The following DLG5 variants were observed in gnomAD, a reference collection of about 807,000 sequenced individuals.
The protein encoded by DLG5 is discs large MAGUK scaffold protein 5.
Under a neutral mutation model 189.8 loss-of-function variants are expected in DLG5, and 48 were observed. The observed-to-expected ratio is 0.25, with a 90% confidence interval of 0.20 to 0.32. The LOEUF (loss-of-function observed/expected upper bound fraction) is 0.32. Among genes scored for constraint, DLG5 ranks in the 10% least tolerant of loss-of-function variants. The probability of loss-of-function intolerance (pLI) is 1.00; values close to 1 mark genes in which losing one functional copy is unlikely to be tolerated. For missense variants in DLG5, 2,160 were observed against 2,544.7 expected (o/e 0.85, Z 3.25); for synonymous variants, 1,016 against 1,054.1 (o/e 0.96, Z 0.70).
intron 1 of DLG5, among the ~76,000 whole-genome samples, chr10:77,882,285 A>G (rs1432664608): frequency 1.2e-4 from 18 of 152,202 alleles, no homozygotes; most frequent in Admixed American, 1.2e-3. Context: ...CCAGGAGCAA[A>G]TACTTTTTCT....
intron 1 of DLG5, among the ~76,000 whole-genome samples, chr10:77,887,212 A>G (rs1043989444): frequency 2.6e-5 from 4 of 152,146 alleles, no homozygotes; most frequent in Non-Finnish European, 5.9e-5. Flanking sequence ...AAGATCAAGG[A>G]ACTAACCCAA....
rs1280416044 is a variant in DLG5 at position 77,926,199 on chromosome 10, C to T, written c.304+18G>A. On this transcript the variant is annotated intron_variant, in intron 1 of 31. Transcript: ENST00000372391. This position sits in a 1 kb window ranked among gnomAD's most constrained non-coding sequence, Gnocchi z 5.2. ...GAGGGCGCGTCCCAGAGGCGGGGGC[C>T]AAGGGTCTGCCACTCACCCGCGCCT... The T allele has an allele frequency of 7.0e-7, 1 of 1,437,946 alleles. No homozygotes were observed. The highest frequency in any genetic ancestry group is 9.2e-7 in the Non-Finnish European group (1 of 1,085,246). The allele number at this position is 1,437,946 out of a possible 1,614,324, so 89.1% of individuals were successfully genotyped here.
Position 77,843,547 on chromosome 10 carries a change from C to G in DLG5, c.1024G>C (p.Gly342Arg). The G allele has an allele frequency of 6.2e-7, 1 of 1,614,214 alleles. No individual in the cohort carries two copies. Among genetic ancestry groups the G allele is most frequent in the Non-Finnish European group, 8.5e-7 (1 of 1,180,046 alleles). ...NADLSRLEQL[G>R]EENQRLLKQT... is the part of the protein sequence containing the mutation. ...TTCAGCAACCGCTGGTTCTCCTCCC[C>G]CAGCTGCTCCAGGCGGCTCAGGTCT... Residue 342 changes from glycine to arginine, a missense_variant, in exon 6 of 32, where the codon GGG becomes CGG. Gly to Arg is a moderately radical substitution (Grantham distance 125). Transcript: ENST00000372391.
intron 1 of DLG5, among the ~76,000 whole-genome samples, chr10:77,877,267 G>A (rs753806167): frequency 2.0e-5 from 3 of 150,666 alleles, no homozygotes; most frequent in East Asian, 3.9e-4. Flanking sequence ...CCCTTCACTC[G>A]CTAACTACAG....
At chr10:77,938,518 A>G in the DLG5 span, among the ~76,000 whole-genome samples, 5 of 152,196 alleles carry the variant, frequency 3.3e-5, no homozygotes, top group African/African-American at 1.2e-4. Context: ...GGGTATTTGT[A>G]ATTGTCCTCA....
At chr10:77,899,007 G>A (rs991677768) in intron 1 of DLG5, among the ~76,000 whole-genome samples, 7 of 152,168 alleles carry the variant, frequency 4.6e-5, no homozygotes, top group African/African-American at 1.4e-4. Flanking sequence ...CACTCTCCAC[G>A]TACTCAGACA....
Position 77,792,278 on chromosome 10 carries a change from G to A in DLG5, c.*162C>T, listed in dbSNP as rs942870934. ...GCCTGGGCCTGGATCGCACGCAGCC[G>A]TGGCCCTCTGTCTACAAAGGAGGTG... On this transcript the variant is annotated 3_prime_UTR_variant, in exon 32 of 32. Coordinates refer to ENST00000372391, the MANE Select transcript of DLG5 (RefSeq NM_004747.4). The A allele has an allele frequency of 2.2e-5, 15 of 689,090 alleles. No homozygotes were observed. The Admixed American group carries it at 2.4e-4, about 11-fold the overall frequency. 42.7% of individuals were successfully genotyped at this position (689,090 alleles called of 1,614,324 possible).
chr10:77,910,987 GAAAAAA>G (rs55832630), intron 1 of DLG5, among the ~76,000 whole-genome samples: 10 of 84,262 alleles, frequency 1.2e-4, no homozygotes, highest in African/African-American at 4.2e-4. Context: ...CTGTCTGAAG[GAAAAAA>G]AAAAAAAAAA....
In DLG5 at chr10:77,821,316, G is replaced by T; in HGVS notation, c.3168C>A (p.Asp1056Glu). The T allele has an allele frequency of 6.2e-7, 1 of 1,613,392 alleles. No homozygotes were observed. Among genetic ancestry groups the T allele is most frequent in the Non-Finnish European group, 8.5e-7 (1 of 1,180,034 alleles). The change falls in exon 15 of 32, where the codon GAC becomes GAA. Residue 1056 changes from aspartate (D) to glutamate (E), a missense_variant. Asp to Glu is a conservative substitution (Grantham distance 45). Coordinates refer to ENST00000372391, the MANE Select transcript of DLG5 (RefSeq NM_004747.4). ...GTGATGCGTGCATGGGCTCCCCGGG[G>T]TCCACGTCAGGGGGCAGGGCGCTCG... The part of the protein sequence containing the change: ...SPPSALPPDV[D>E]PGEPMHASPP...
At chr10:77,793,748 C>T (rs573224884) in intron 31 of DLG5, 1 of 521,292 alleles carries the variant, frequency 1.9e-6, no homozygotes, top group African/African-American at 1.9e-5. Flanking sequence ...GACAGACCCA[C>T]CACTGCACGT....
Position 77,853,554 on chromosome 10 carries a change from A to G in DLG5, c.681-17T>C, listed in dbSNP as rs1356713086. 1.9e-6 allele frequency: 3 copies of G among 1,557,396 alleles called. No homozygotes were observed. The highest frequency in any genetic ancestry group is 1.3e-5 in the African/African-American group (1 of 74,328). ...TGGAGTGTGCTGAAACACCCGGTAC[A>G]TGCTCAGTGAGCCCCAGCCAGCCCC... On this transcript the variant is annotated splice_polypyrimidine_tract_variant and intron_variant, in intron 4 of 31. Transcript: ENST00000372391.
In DLG5 at chr10:77,829,445, C is replaced by G; in HGVS notation, c.2095G>C (p.Glu699Gln). Residue 699 changes from glutamate to glutamine, a missense_variant, in exon 12 of 32, where the codon GAG becomes CAG. Transcript: ENST00000372391. ...CGCACGACCATGTTGATGGCCCCCT[C>G]CCCATTGAGGAGCGCCTTGATGGCC... ...KQAIKALLNGEGAINMVVRRR... is the reference protein window; with the variant it reads ...KQAIKALLNGQGAINMVVRRR... 1 of 1,614,206 alleles carries G rather than the reference C, an allele frequency of 6.2e-7. No individual in the cohort carries two copies. Among genetic ancestry groups the G allele is most frequent in the Non-Finnish European group, 8.5e-7 (1 of 1,180,036 alleles).
Position 77,821,857 on chromosome 10 carries a change from G to A in DLG5, c.2627C>T (p.Pro876Leu). 1 of 1,614,034 alleles carries A rather than the reference G, an allele frequency of 6.2e-7. No individual in the cohort carries two copies. Among genetic ancestry groups the A allele is most frequent in the African/African-American group, 1.3e-5 (1 of 75,062 alleles). The part of the protein sequence containing the change: ...SFLHKPFPGG[P>L]LQVCPQACPS... ...ACAGGCCTGGGGGCAGACCTGCAAG[G>A]GTCCCCCAGGGAATGGCTTATGCAG... Residue 876 changes from proline to leucine, a missense_variant, in exon 15 of 32, where the codon CCC becomes CTC. By Grantham distance (98) the Pro-to-Leu change is moderately conservative (BLOSUM62 -3). Around this residue, in one of 5 missense-constraint regions of DLG5, gnomAD observed 754 missense variants for 746.5 expected, o/e 1.01. Coordinates refer to ENST00000372391, the MANE Select transcript of DLG5 (RefSeq NM_004747.4).
At chr10:77,794,207 AG>A (rs1840787697) in intron 30 of DLG5, 90 bp from the exon 31 acceptor site, 8 of 1,091,346 alleles carry the variant, frequency 7.3e-6, no homozygotes, top group Non-Finnish European at 9.7e-6. Context: ...GGCCCCATCA[AG>A]GCAGGGGTAG....
chr10:77,841,855 A>T (rs768790544), intron 7 of DLG5, 26 bp downstream of exon 7: 4 of 1,592,972 alleles, frequency 2.5e-6, no homozygotes, highest in Non-Finnish European at 3.4e-6. Flanking sequence ...AGAGGCTGAA[A>T]GCCAGCCACC....
At chr10:77,901,602 G>C (rs1845929238) in intron 1 of DLG5, among the ~76,000 whole-genome samples, 1 of 152,218 alleles carries the variant, frequency 6.6e-6, no homozygotes. Context: ...AGGCACCTTG[G>C]GGCCTCCTTC....
intron 20 of DLG5, among the ~76,000 whole-genome samples, chr10:77,815,297 C>T (rs79026191): frequency 0.018 from 2,688 of 152,336 alleles, 88 homozygotes; most frequent in African/African-American, 0.061. Flanking sequence ...CTGTGTTTTG[C>T]TGTCCTTCCG....
chr10:77,828,692 C>T (rs1842760197), intron 13 of DLG5, among the ~76,000 whole-genome samples, 190 bp downstream of exon 13: 1 of 152,030 alleles, frequency 6.6e-6, no homozygotes, highest in Non-Finnish European at 1.5e-5. Context: ...CCCTCCCAGA[C>T]CTTTTATTTC....
rs371077811 is a variant in DLG5 at position 77,812,289 on chromosome 10, T to C, written c.4114A>G (p.Ile1372Val). ...CCCACGGTCACCTTGGAGACGTAGA[T>C]GCCGCCCTTCTCTCCACTCACGATG... Reference protein sequence around the residue: ...ISIVSGEKGGIYVSKVTVGSI... With the variant: ...ISIVSGEKGGVYVSKVTVGSI... Residue 1372 changes from isoleucine to valine, a missense_variant, in exon 21 of 32, where the codon ATC becomes GTC. Coordinates refer to ENST00000372391, the MANE Select transcript of DLG5 (RefSeq NM_004747.4). The C allele has an allele frequency of 1.2e-6, 2 of 1,614,100 alleles. No individual in the cohort carries two copies. Among genetic ancestry groups the C allele is most frequent in the African/African-American group, 1.3e-5 (1 of 74,940 alleles).
Sources: allele counts gnomAD v4.1 joint callset (sites outside exome capture counted in the v4.1 genomes callset), GRCh38; gene constraint gnomAD v4.1.1; regional missense constraint gnomAD v4.1.1; non-coding constraint Gnocchi (gnomAD v3.1); transcripts MANE v1.5; gene names NCBI Gene and HGNC (gene_info 2026-07-23, HGNC 2026-07-21).